EBPL: variants seen among roughly 807,000 people sequenced by gnomAD.
The protein encoded by EBPL is EBP like, also known as emopamil-binding protein-like.
Under a neutral mutation model 19.0 loss-of-function variants are expected in EBPL, and 20 were observed. The observed-to-expected ratio is 1.05, with a 90% CI of 0.74 to 1.53. The LOEUF (loss-of-function observed/expected upper bound fraction) is 1.53. EBPL is among the 40% of genes most tolerant of loss of function. The pLI is 0.00. For missense variants in EBPL, 219 were observed against 261.1 expected (o/e 0.84, Z 1.11); for synonymous variants, 107 against 117.0 (o/e 0.91, Z 0.55).
At chr13:49,681,330 G>A (rs760640398) in intron 1 of EBPL, among the ~76,000 whole-genome samples, 8 of 152,072 alleles carry the variant, frequency 5.3e-5, no homozygotes, top group Non-Finnish European at 1.2e-4. Context: ...TCGCTCTGTC[G>A]CTCAGGCTGG....
chr13:49,672,044 C>T (rs933196542), intron 1 of EBPL, among the ~76,000 whole-genome samples: 1 of 152,202 alleles, frequency 6.6e-6, no homozygotes, highest in African/African-American at 2.4e-5. Flanking sequence ...TCTCCTAAAT[C>T]TCCCATGTGG....
intron 1 of EBPL, among the ~76,000 whole-genome samples, chr13:49,675,233 C>G (rs114402369): frequency 6.6e-6 from 1 of 152,298 alleles, no homozygotes; most frequent in Admixed American, 6.5e-5. Flanking sequence ...CAAACCTGTA[C>G]GGCATTACTG....
At chr13:49,669,946 T>C in intron 1 of EBPL, 100 bp from the exon 2 acceptor site, 1 of 891,548 alleles carries the variant, frequency 1.1e-6, no homozygotes. Context: ...CCCACCCTTC[T>C]CCATGGCTCA....
chr13:49,684,084 G>A (rs1320390763), intron 1 of EBPL, among the ~76,000 whole-genome samples: 3 of 152,086 alleles, frequency 2.0e-5, no homozygotes, highest in Non-Finnish European at 2.9e-5. Context: ...GAAGGCAGAC[G>A]GGTGTTTGTT....
intron 2 of EBPL, among the ~76,000 whole-genome samples, chr13:49,666,042 GCA>G (rs1297305651): frequency 6.6e-6 from 1 of 152,182 alleles, no homozygotes; most frequent in Non-Finnish European, 1.5e-5. Context: ...TTTATTAGTT[GCA>G]CACACTGTGG....
intron 1 of EBPL, among the ~76,000 whole-genome samples, chr13:49,681,541 T>G (rs1475833387): frequency 1.3e-5 from 2 of 152,234 alleles, no homozygotes; most frequent in Admixed American, 1.3e-4. Context: ...TCTGCTCACC[T>G]CAGCCTCCCA....
chr13:49,683,719 A>C (rs1953967858), intron 1 of EBPL, among the ~76,000 whole-genome samples: 1 of 152,168 alleles, frequency 6.6e-6, no homozygotes, highest in Non-Finnish European at 1.5e-5. Flanking sequence ...AGTTTTGGTG[A>C]GGCTGTGGGG....
At chr13:49,669,000 C>T (rs186224703) in intron 2 of EBPL, among the ~76,000 whole-genome samples, 1 of 151,850 alleles carries the variant, frequency 6.6e-6, no homozygotes, top group African/African-American at 2.4e-5. Flanking sequence ...TTGCCTCAGC[C>T]TCCCAAGTAC....
chr13:49,662,060 C>T (rs1046696093), intron 3 of EBPL: 3 of 795,482 alleles, frequency 3.8e-6, no homozygotes, highest in South Asian at 1.6e-5. Context: ...GTGGCACGAA[C>T]GTGGCTCACT....
chr13:49,661,647 G>C lies in EBPL; in HGVS notation c.381-439C>G, dbSNP rs565669135. 1.6e-4 allele frequency: 123 copies of C among 767,414 alleles called. 1 individual carries two copies. The South Asian group carries it at 6.3e-3, about 39-fold the overall frequency. The allele number at this position is 767,414 out of a possible 1,614,324, so 47.5% of individuals were successfully genotyped here. ...GGGCCAAGCGATGGGCAAGTAAAAG[G>C]CTCAATAATGCAAATATCACAAATG... On this transcript the variant is annotated intron_variant, in intron 3 of 3. Transcript: ENST00000242827.
intron 1 of EBPL, among the ~76,000 whole-genome samples, chr13:49,684,078 G>T (rs867750859): frequency 7.9e-5 from 12 of 152,296 alleles, no homozygotes; most frequent in Middle Eastern, 3.4e-3. Flanking sequence ...AAGACAGAAG[G>T]CAGACGGGTG....
intron 1 of EBPL, among the ~76,000 whole-genome samples, chr13:49,681,506 G>A (rs1273894592): frequency 6.6e-6 from 1 of 152,184 alleles, no homozygotes; most frequent in Non-Finnish European, 1.5e-5. Flanking sequence ...GGCCAGGCTG[G>A]TCTTGAACTC....
At chr13:49,673,952 T>C (rs1418508125) in intron 1 of EBPL, among the ~76,000 whole-genome samples, 4 of 75,954 alleles carry the variant, frequency 5.3e-5, no homozygotes, top group Non-Finnish European at 1.3e-4. Flanking sequence ...TACAATTATA[T>C]GGAACTTAAT....
At position 49,661,051 on chromosome 13, in the gene EBPL, G is replaced by A. The variant is rs527503332; in HGVS notation, c.538C>T (p.Pro180Ser). 1.7e-5 allele frequency: 27 copies of A among 1,614,016 alleles called. No individual in the cohort carries two copies. In the African/African-American group the frequency reaches 1.9e-4, roughly 11 times the overall value. ...FFFNGVWVLIPGLLLWQSWLE... is the reference protein window; with the variant it reads ...FFFNGVWVLISGLLLWQSWLE... ...CATGACTGCCACAGTAGCAGTCCTGGGATCAGAACCCACACACCGTTAAAA... is the reference window on the plus strand; with the variant it reads ...CATGACTGCCACAGTAGCAGTCCTGAGATCAGAACCCACACACCGTTAAAA... The change falls in exon 4 of 4, where the codon CCA (proline) becomes TCA (serine). Residue 180 changes from proline (P) to serine (S), a missense_variant. Pro to Ser is a moderately conservative substitution (Grantham distance 74). This residue lies in a region of EBPL where 49 missense variants were observed against 94.1 expected (regional missense o/e 0.52). Transcript: ENST00000242827.
intron 2 of EBPL, among the ~76,000 whole-genome samples, chr13:49,665,471 A>G (rs940467466): frequency 6.6e-6 from 1 of 152,192 alleles, no homozygotes; most frequent in Non-Finnish European, 1.5e-5. Context: ...GGGTTTCACC[A>G]TGTTGGTCAG....
intron 2 of EBPL, 141 bp from the exon 3 acceptor site, chr13:49,663,336 G>A (rs1189869949): frequency 8.9e-7 from 1 of 1,117,478 alleles, no homozygotes; most frequent in Non-Finnish European, 1.3e-6. Flanking sequence ...CTTAGTGGAA[G>A]GCAGGAGAAG....
At chr13:49,663,983 G>A (rs1450034696) in intron 2 of EBPL, among the ~76,000 whole-genome samples, 1 of 152,024 alleles carries the variant, frequency 6.6e-6, no homozygotes, top group African/African-American at 2.4e-5. Flanking sequence ...CAGGCACGGT[G>A]GCTCACGCCT....
chr13:49,668,762 G>A (rs1203734499), intron 2 of EBPL, among the ~76,000 whole-genome samples: 2 of 151,998 alleles, frequency 1.3e-5, no homozygotes, highest in African/African-American at 4.8e-5. Context: ...AAGACTTTTG[G>A]AAAGGATCTA....
At chr13:49,676,642 CCGG>C (rs1252703085) in intron 1 of EBPL, among the ~76,000 whole-genome samples, 2 of 151,708 alleles carry the variant, frequency 1.3e-5, no homozygotes, top group African/African-American at 4.8e-5. Context: ...GAAAGAAACC[CCGG>C]TGAATCCTTC....
Sources: allele counts gnomAD v4.1 joint callset (sites outside exome capture counted in the v4.1 genomes callset), GRCh38; gene constraint gnomAD v4.1.1; regional missense constraint gnomAD v4.1.1; transcripts MANE v1.5; gene names NCBI Gene and HGNC (gene_info 2026-07-23, HGNC 2026-07-21).